The following UNC13C variants were observed in gnomAD, a reference collection of about 807,000 sequenced individuals.
UNC13C encodes protein unc-13 homolog C.
In UNC13C, 174 loss-of-function variants were observed where a neutral mutation model predicts 245.4. The ratio of observed to expected loss-of-function variants is 0.71; its 90% CI spans 0.63 to 0.80. UNC13C has a LOEUF of 0.80. UNC13C is among the 30% of genes least tolerant of loss of function. The pLI, the probability that UNC13C is intolerant of heterozygous loss-of-function variation, is 0.00. For synonymous variants in UNC13C, 992 were observed against 895.1 expected, an observed-to-expected ratio of 1.11 and a Z score of -1.93; for missense variants, 2,829 against 2,602.9, an observed-to-expected ratio of 1.09 and a Z score of -1.89.
chr15:54,415,168 G>T, intron 19 of UNC13C, 101 bp downstream of exon 19: 1 of 818,958 alleles, frequency 1.2e-6, no homozygotes. Context: ...TTAAAACACT[G>T]ATTACTGTGA....
intron 17 of UNC13C, among the ~76,000 whole-genome samples, chr15:54,364,378 C>A (rs2039310796): frequency 6.6e-6 from 1 of 152,078 alleles, no homozygotes; most frequent in Non-Finnish European, 1.5e-5. Context: ...TATTTACACT[C>A]AGAGCTGCTA....
chr15:54,422,864 T>C (rs34907630), intron 19 of UNC13C, among the ~76,000 whole-genome samples: 1 of 151,930 alleles, frequency 6.6e-6, no homozygotes, highest in African/African-American at 2.4e-5. Flanking sequence ...TTACTACTTT[T>C]TTTCTGTTTT....
chr15:53,997,866 A>C (rs1595693346), intron 1 of UNC13C, among the ~76,000 whole-genome samples: 1 of 152,046 alleles, frequency 6.6e-6, no homozygotes, highest in Admixed American at 6.6e-5. Context: ...GAAGTGGCAC[A>C]ATCTTGGCTC....
At chr15:53,888,734 T>G in the UNC13C span, among the ~76,000 whole-genome samples, 1 of 152,206 alleles carries the variant, frequency 6.6e-6, no homozygotes, top group Non-Finnish European at 1.5e-5. Flanking sequence ...GTATAAGGTG[T>G]AAGGAAGGGC....
rs1194598594 is a variant in UNC13C at position 54,013,960 on chromosome 15, A to G, written c.1057A>G (p.Asn353Asp). The G allele has an allele frequency of 1.9e-6, 3 of 1,613,746 alleles. No homozygotes were observed. The highest frequency in any genetic ancestry group is 2.5e-6 in the Non-Finnish European group (3 of 1,179,818). ...TAAAATGGGTTTTTCAGATGCACCA[A>G]ATGCTATTAAAATTGAATTTGCTCA... ...IDKMGFSDAP[N>D]AIKIEFAQRI... Residue 353 changes from asparagine to aspartate, a missense_variant, in exon 2 of 33, where the codon AAT (asparagine) becomes GAT (aspartate). Coordinates refer to ENST00000260323, the MANE Select transcript of UNC13C (RefSeq NM_001080534.3).
At chr15:54,480,343 C>G (rs1476533238) in intron 19 of UNC13C, among the ~76,000 whole-genome samples, 1 of 150,898 alleles carries the variant, frequency 6.6e-6, no homozygotes, top group East Asian at 1.9e-4. Flanking sequence ...CTCTGGGACA[C>G]TGAAGTTTTG....
intron 4 of UNC13C, among the ~76,000 whole-genome samples, chr15:54,201,223 T>C (rs1014231376): frequency 3.3e-5 from 5 of 152,018 alleles, no homozygotes; most frequent in African/African-American, 9.7e-5. Flanking sequence ...ATAGCTGAAT[T>C]CTATCAGACA....
intron 2 of UNC13C, among the ~76,000 whole-genome samples, chr15:54,059,318 T>C (rs560070439): frequency 2.6e-5 from 4 of 152,098 alleles, no homozygotes; most frequent in South Asian, 4.1e-4. Flanking sequence ...TATACACCAA[T>C]AACAGACAAA....
intron 18 of UNC13C, among the ~76,000 whole-genome samples, chr15:54,402,873 T>C (rs1285723737): frequency 6.6e-6 from 1 of 152,232 alleles, no homozygotes; most frequent in Non-Finnish European, 1.5e-5. Context: ...ATGATTAATC[T>C]GGATCTGATT....
At chr15:54,032,095 T>A (rs533865828) in intron 2 of UNC13C, among the ~76,000 whole-genome samples, 1 of 152,330 alleles carries the variant, frequency 6.6e-6, no homozygotes, top group South Asian at 2.1e-4. Context: ...GATTATAGAA[T>A]GAGGAAATAT....
At chr15:54,352,980 G>A (rs1021870488) in intron 17 of UNC13C, among the ~76,000 whole-genome samples, 1 of 152,106 alleles carries the variant, frequency 6.6e-6, no homozygotes, top group Non-Finnish European at 1.5e-5. Context: ...TGGCAATGGT[G>A]AAAATGGCCA....
intron 2 of UNC13C, among the ~76,000 whole-genome samples, chr15:54,123,997 A>T (rs114718196): frequency 0.011 from 1,693 of 152,268 alleles, 22 homozygotes; most frequent in African/African-American, 0.04. Context: ...TAATGCCCTG[A>T]GATCTATTCA....
At chr15:54,415,314 G>A (rs1300595773) in intron 19 of UNC13C, among the ~76,000 whole-genome samples, 2 of 152,108 alleles carry the variant, frequency 1.3e-5, no homozygotes, top group African/African-American at 4.8e-5. Context: ...TCACTGATAG[G>A]ATTATGCTCA....
chr15:54,112,035 C>T (rs981703180), intron 2 of UNC13C, among the ~76,000 whole-genome samples: 4 of 152,162 alleles, frequency 2.6e-5, no homozygotes, highest in Admixed American at 2.6e-4. Context: ...TGATATAAAG[C>T]CTTCTGCTTA....
chr15:54,151,038 C>T (rs1329920735), intron 4 of UNC13C, among the ~76,000 whole-genome samples: 1 of 152,172 alleles, frequency 6.6e-6, no homozygotes, highest in Non-Finnish European at 1.5e-5. Flanking sequence ...TTTTGATCAT[C>T]TCTCTTTCTG....
chr15:53,998,546 C>T (rs1288589301), intron 1 of UNC13C, among the ~76,000 whole-genome samples: 2 of 152,072 alleles, frequency 1.3e-5, no homozygotes, highest in African/African-American at 4.8e-5. Context: ...CACATAAATA[C>T]TCATGTCAAC....
intron 2 of UNC13C, among the ~76,000 whole-genome samples, chr15:54,111,689 A>T (rs1006254730): frequency 1.3e-5 from 2 of 152,218 alleles, no homozygotes; most frequent in East Asian, 3.8e-4. Flanking sequence ...ATGGGAATCA[A>T]CAGGAGAGGT....
chr15:54,591,519 G>C (rs1444002320), intron 30 of UNC13C, among the ~76,000 whole-genome samples: 4 of 151,950 alleles, frequency 2.6e-5, no homozygotes, highest in African/African-American at 7.3e-5. Context: ...AGGCTAGGAG[G>C]GTTGTATTTT....
intron 10 of UNC13C, among the ~76,000 whole-genome samples, chr15:54,271,914 C>T (rs935733222): frequency 1.3e-5 from 2 of 152,126 alleles, no homozygotes; most frequent in Non-Finnish European, 1.5e-5. Context: ...TTAATTCCAC[C>T]TAATTTCCTG....
Sources: allele counts gnomAD v4.1 joint callset (sites outside exome capture counted in the v4.1 genomes callset), GRCh38; gene constraint gnomAD v4.1.1; transcripts MANE v1.5; gene names NCBI Gene and HGNC (gene_info 2026-07-23, HGNC 2026-07-21).